The following LRP6 variants were observed in gnomAD, a reference collection of about 807,000 sequenced individuals.
LRP6 encodes LDL receptor related protein 6, also known as low-density lipoprotein receptor-related protein 6.
A neutral mutation model predicts 184.1 loss-of-function variants in LRP6; 43 were observed. The observed-to-expected ratio is 0.23, with a 90% CI of 0.18 to 0.30. The LOEUF (loss-of-function observed/expected upper bound fraction) is 0.30. LRP6 is among the 10% of genes least tolerant of loss of function. LRP6 has a pLI of 1.00. For missense variants in LRP6, 1,571 were observed against 2,005.3 expected (o/e 0.78, Z 4.14); for synonymous variants, 719 against 684.9 (o/e 1.05, Z -0.78).
intron 22 of LRP6, among the ~76,000 whole-genome samples, chr12:12,123,000 C>G (rs968170660): frequency 6.0e-5 from 9 of 150,636 alleles, no homozygotes; most frequent in Non-Finnish European, 1.2e-4. Context: ...GGTGAAATTT[C>G]TAAGGTCAAC....
At position 12,151,114 on chromosome 12, in the gene LRP6, G is replaced by A. The variant is rs1950075312; in HGVS notation, c.2792-76C>T. The A allele has an allele frequency of 9.6e-6, 12 of 1,252,254 alleles. No homozygotes were observed. The South Asian group carries it at 1.5e-4, about 16-fold the overall frequency. 77.6% of individuals were successfully genotyped at this position (1,252,254 alleles called of 1,614,324 possible). The stretch of plus-strand genomic sequence containing the variant: ...TATCATCCAATGATTTGATCAGCCT[G>A]TTGTATGTATTTCATACAAAACAGA... On this transcript the variant is annotated intron_variant, in intron 12 of 22. Transcript: ENST00000261349.
Position 12,164,516 on chromosome 12 carries a change from G to A in LRP6, c.1809C>T (p.Cys603=). ...AGCGAAGGCCCTGAGGTCTATAGAG[G>A]CAGAGATGGCTACATCCCCCGTTTT... is the stretch of plus-strand genomic sequence containing the variant. ...AEENGGCSHL[C]LYRPQGLRCA... The change falls in exon 9 of 23, where the codon TGC becomes TGT. Residue 603 remains cysteine, a synonymous_variant. Transcript: ENST00000261349. The A allele has an allele frequency of 6.2e-7, 1 of 1,614,160 alleles. No homozygotes were observed. Among genetic ancestry groups the A allele is most frequent in the Non-Finnish European group, 8.5e-7 (1 of 1,180,022 alleles).
intron 2 of LRP6, chr12:12,210,878 T>C (rs1864190083): frequency 6.6e-6 from 1 of 152,204 alleles, no homozygotes; most frequent in Non-Finnish European, 1.5e-5. Flanking sequence ...TGACCCCATG[T>C]TCCTCTCTTA....
intron 17 of LRP6, among the ~76,000 whole-genome samples, chr12:12,132,543 T>G (rs967832976): frequency 1.3e-5 from 2 of 152,184 alleles, no homozygotes; most frequent in Admixed American, 1.3e-4. Flanking sequence ...TGGCTATCTT[T>G]GCACTGATGC....
At position 12,252,472 on chromosome 12, in the gene LRP6, A is replaced by T. The variant is rs536197421; in HGVS notation, c.56-7817T>A. The stretch of plus-strand genomic sequence containing the variant: ...GCTTACCCTCCCTAAGTTTAAGTTA[A>T]ATTTGTATAGGTAAAATGTTATTAA... On this transcript the variant is annotated intron_variant, in intron 1 of 22. Coordinates refer to ENST00000261349, the MANE Select transcript of LRP6 (RefSeq NM_002336.3). Among the ~76,000 whole-genome samples the T allele has an allele frequency of 3.9e-5, 6 of 152,346 alleles. No individual in the cohort carries two copies. In the South Asian group the frequency reaches 1.2e-3, roughly 32 times the overall value.
intron 2 of LRP6, among the ~76,000 whole-genome samples, chr12:12,240,184 G>C (rs1489639133): frequency 1.3e-5 from 2 of 152,076 alleles, no homozygotes; most frequent in Non-Finnish European, 1.5e-5. Flanking sequence ...TTATTTTTTA[G>C]ATAATGATCT....
At chr12:12,244,113 AC>A (rs1363993972) in intron 2 of LRP6, 148 bp downstream of exon 2, 1 of 783,072 alleles carries the variant, frequency 1.3e-6, no homozygotes, top group African/African-American at 1.7e-5. Flanking sequence ...GTAACTTTCC[AC>A]ATTCAAGTCT....
rs374060463 is a variant in LRP6 at position 12,191,034 on chromosome 12, GAGAA to G, written c.648-3919_648-3916del. ...TGATATTGGCACCTCTGCAGGATAT[GAGAA>G]AGAAACAATAGGACATCTGGCAGGA... On this transcript the variant is annotated intron_variant, in intron 3 of 22. Coordinates refer to ENST00000261349, the MANE Select transcript of LRP6 (RefSeq NM_002336.3). Among the ~76,000 whole-genome samples, 226 of 152,322 alleles carry G rather than the reference GAGAA, an allele frequency of 1.5e-3. 4 individuals are homozygous for G. The highest frequency in any genetic ancestry group is 5.2e-3 in the African/African-American group (217 of 41,558).
At chr12:12,155,160 T>G in intron 12 of LRP6, 2 of 485,414 alleles carry the variant, frequency 4.1e-6, no homozygotes, top group Non-Finnish European at 7.7e-6. Context: ...CACGCCACTT[T>G]ACTCCAGCCT....
chr12:12,144,475 T>A (rs1949975052), intron 15 of LRP6, among the ~76,000 whole-genome samples: 1 of 152,026 alleles, frequency 6.6e-6, no homozygotes, highest in African/African-American at 2.4e-5. Context: ...AAGACCCCCA[T>A]CTCTACAAAA....
chr12:12,142,465 G>A (rs569541699), intron 15 of LRP6, among the ~76,000 whole-genome samples: 2 of 152,080 alleles, frequency 1.3e-5, no homozygotes, highest in South Asian at 4.2e-4. Context: ...GATGCAATTC[G>A]CTATAAAAGG....
intron 3 of LRP6, among the ~76,000 whole-genome samples, chr12:12,196,134 GC>G (rs1330335664): frequency 6.6e-6 from 1 of 151,742 alleles, no homozygotes; most frequent in Non-Finnish European, 1.5e-5. Context: ...GATGTCTCCA[GC>G]TTTGTTCTTT....
At chr12:12,247,817 G>A (rs1042742375) in intron 1 of LRP6, among the ~76,000 whole-genome samples, 1 of 152,102 alleles carries the variant, frequency 6.6e-6, no homozygotes, top group African/African-American at 2.4e-5. Context: ...CTTACTTTCT[G>A]ACTGCCTAGT....
intron 2 of LRP6, among the ~76,000 whole-genome samples, chr12:12,209,805 C>G (rs942255943): frequency 6.6e-6 from 1 of 152,014 alleles, no homozygotes; most frequent in African/African-American, 2.4e-5. Flanking sequence ...ATAAGCAAGG[C>G]AAAACTATTG....
At chr12:12,225,885 AAGAG>A (rs984412571) in intron 2 of LRP6, among the ~76,000 whole-genome samples, 2 of 151,870 alleles carry the variant, frequency 1.3e-5, no homozygotes, top group Non-Finnish European at 2.9e-5. Flanking sequence ...AAAAAAAAAA[AAGAG>A]AGAGACCTGA....
At chr12:12,143,380 G>A (rs976632314) in intron 15 of LRP6, among the ~76,000 whole-genome samples, 1 of 152,122 alleles carries the variant, frequency 6.6e-6, no homozygotes, top group African/African-American at 2.4e-5. Context: ...ATCTTAGTAT[G>A]TGATTTTTTT....
chr12:12,147,012 C>A (rs12318846), intron 15 of LRP6, among the ~76,000 whole-genome samples: 4 of 151,998 alleles, frequency 2.6e-5, no homozygotes, highest in Non-Finnish European at 5.9e-5. Flanking sequence ...ATTAGCTGGG[C>A]GCAGTGGCAG....
Position 12,194,293 on chromosome 12 carries a change from A to G in LRP6, c.648-7174T>C, listed in dbSNP as rs148325173. 5.2e-3 allele frequency among the ~76,000 whole-genome samples: 788 copies of G among 152,140 alleles called. 5 individuals are homozygous for G. Among genetic ancestry groups the G allele is most frequent in the Middle Eastern group, 0.017 (5 of 294 alleles). ...AAATAAAGCCAATACAGAGAAAAAC[A>G]TACAAAACAAACATATAGCTTAACA... On this transcript the variant is annotated intron_variant, in intron 3 of 22. Transcript: ENST00000261349.
chr12:12,148,879 G>A (rs1165796140), intron 14 of LRP6, 63 bp downstream of exon 14: 1 of 1,184,688 alleles, frequency 8.4e-7, no homozygotes, highest in Non-Finnish European at 1.3e-6. Context: ...ATAACAGGCT[G>A]AAAAAGAAGG....
Sources: gnomAD v4.1 joint callset for allele counts (sites outside exome capture counted in the v4.1 genomes callset) on GRCh38, gnomAD v4.1.1 for gene constraint, MANE v1.5 for transcripts, NCBI Gene and HGNC (gene_info 2026-07-23, HGNC 2026-07-21) for gene names.